Variants in AR observed in about 807,000 individuals in gnomAD.
AR encodes the protein dihydrotestosterone receptor.
In AR, 8 loss-of-function variants were observed where a neutral mutation model predicts 53.9. The observed-to-expected ratio is 0.15, with a 90% confidence interval of 0.09 to 0.27. The LOEUF (loss-of-function observed/expected upper bound fraction) is 0.27. AR is among the 10% of genes least tolerant of loss of function. The probability of loss-of-function intolerance (pLI) is 1.00; values close to 1 mark genes in which losing one functional copy is unlikely to be tolerated. For synonymous variants in AR, 359 were observed against 316.4 expected (o/e 1.13, Z -1.43); for missense variants, 639 against 742.5 (o/e 0.86, Z 1.62).
rs989025644 is a variant in AR, at chrX:67,723,916, C to A, written c.*75C>A. ...GTCTTCTGCCTGTTATAACTCTGCA[C>A]TACTCCTCTGCAGTGCCTTGGGGAA... On this transcript the variant is annotated 3_prime_UTR_variant, in exon 8 of 8. Transcript: ENST00000374690. The A allele has an allele frequency of 1.8e-6, 2 of 1,139,201 alleles. No individual in the cohort carries two copies. The highest frequency in any genetic ancestry group is 2.4e-6 in the Non-Finnish European group (2 of 839,419). 93.9% of individuals were successfully genotyped at this position (1,139,201 alleles called of 1,213,427 possible). A position where few individuals can be genotyped will look rare whatever the true frequency, so the allele number is the denominator to read the frequency against.
intron 1 of AR, among the ~76,000 whole-genome samples, chrX:67,566,312 A>G (rs1479709088): frequency 1.8e-5 from 2 of 111,915 alleles, no homozygotes; most frequent in East Asian, 5.6e-4. Flanking sequence ...CTAAAATCTC[A>G]CAGACTGGGG....
At chrX:67,666,710 C>G (rs771198152) in intron 2 of AR, among the ~76,000 whole-genome samples, 7 of 111,783 alleles carry the variant, frequency 6.3e-5, no homozygotes, top group Non-Finnish European at 1.3e-4. Flanking sequence ...TCCACATCCT[C>G]ACCAGCATTC....
chrX:67,623,941 G>A (rs758608555), intron 1 of AR, among the ~76,000 whole-genome samples: 62 of 111,113 alleles, frequency 5.6e-4, no homozygotes, highest in Non-Finnish European at 1.0e-3. Context: ...TTGACTCACA[G>A]TTCCACAGTC....
intron 2 of AR, among the ~76,000 whole-genome samples, chrX:67,662,573 C>T (rs1371868324): frequency 9.0e-6 from 1 of 111,462 alleles, no homozygotes; most frequent in African/African-American, 3.3e-5. Context: ...GTTATAATTT[C>T]TGTTCTTTTA....
chrX:67,646,372 G>C (rs1252075809), intron 2 of AR, among the ~76,000 whole-genome samples: 1 of 110,787 alleles, frequency 9.0e-6, no homozygotes, highest in Non-Finnish European at 1.9e-5. Context: ...ATAGAAAAAA[G>C]GGTGCGGTGA....
intron 3 of AR, chrX:67,694,828 C>T: frequency 9.0e-7 from 1 of 1,109,501 alleles, no homozygotes; most frequent in Non-Finnish European, 1.2e-6. Flanking sequence ...TTTTGCTCCT[C>T]AACACAGACT....
At position 67,723,724 on chromosome X, in the gene AR, A is replaced by G. The variant is rs779953308; in HGVS notation, c.2646A>G (p.Leu882=). 1 of 1,210,752 alleles carries G rather than the reference A, an allele frequency of 8.3e-7. No individual in the cohort carries two copies. The highest frequency in any genetic ancestry group is 1.8e-5 in the South Asian group (1 of 56,913). ...RELHQFTFDL[L]IKSHMVSVDF... Reference sequence around the variant, plus strand: ...TGCATCAGTTCACTTTTGACCTGCTAATCAAGTCACACATGGTGAGCGTGG... The same window carrying G: ...TGCATCAGTTCACTTTTGACCTGCTGATCAAGTCACACATGGTGAGCGTGG... Residue 882 remains leucine, a synonymous_variant, in exon 8 of 8, where the codon CTA becomes CTG. Transcript: ENST00000374690.
chrX:67,649,056 G>T (rs1452282377), intron 2 of AR, among the ~76,000 whole-genome samples: 2 of 111,258 alleles, frequency 1.8e-5, no homozygotes, highest in African/African-American at 6.5e-5. Flanking sequence ...CCCAGTGTGT[G>T]ATGTTCCCCT....
intron 1 of AR, among the ~76,000 whole-genome samples, chrX:67,583,384 A>G (rs190527492): frequency 1.8e-5 from 2 of 112,036 alleles, no homozygotes; most frequent in African/African-American, 3.2e-5. Flanking sequence ...TCTGTTGCAA[A>G]GGTCAGGAGT....
Position 67,544,310 on chromosome X carries a change from A to T in AR, c.-837A>T, listed in dbSNP as rs2147312721. On this transcript the variant is annotated 5_prime_UTR_variant, in exon 1 of 8. Coordinates refer to ENST00000374690, the MANE Select transcript of AR (RefSeq NM_000044.6). ...GGAGGAAGCAAGGAAAGTGCCTGGTAGGACTGACGGCTGCCTTTGTCCTCC... is the reference window on the plus strand; with the variant it reads ...GGAGGAAGCAAGGAAAGTGCCTGGTTGGACTGACGGCTGCCTTTGTCCTCC... 1 of 170,331 alleles carries T rather than the reference A, an allele frequency of 5.9e-6. No individual in the cohort carries two copies. Among genetic ancestry groups the T allele is most frequent in the South Asian group, 3.3e-4 (1 of 2,992 alleles). The allele number at this position is 170,331 out of a possible 1,213,427, so 14.0% of individuals were successfully genotyped here. A position where few individuals can be genotyped will look rare whatever the true frequency, so the allele number is the denominator to read the frequency against.
intron 4 of AR, among the ~76,000 whole-genome samples, chrX:67,712,509 C>T (rs190417540): frequency 8.9e-6 from 1 of 112,313 alleles, no homozygotes; most frequent in Non-Finnish European, 1.9e-5. Flanking sequence ...TCTTAGAGAT[C>T]CTCTATCCAA....
At chrX:67,570,452 A>G (rs1291411594) in intron 1 of AR, among the ~76,000 whole-genome samples, 1 of 112,185 alleles carries the variant, frequency 8.9e-6, no homozygotes, top group African/African-American at 3.2e-5. Context: ...ATGTCAAAAG[A>G]GTCAGTTAAA....
chrX:67,552,832 T>C (rs1209619864), intron 1 of AR, among the ~76,000 whole-genome samples: 5 of 112,270 alleles, frequency 4.5e-5, no homozygotes, highest in Admixed American at 2.8e-4. Flanking sequence ...CATTTGTATA[T>C]CTTCTTTTTT....
chrX:67,605,849 C>T (rs181695345), intron 1 of AR, among the ~76,000 whole-genome samples: 2 of 111,646 alleles, frequency 1.8e-5, no homozygotes, highest in African/African-American at 3.3e-5. Flanking sequence ...GTATTTGCCT[C>T]AAAATGGGCA....
At chrX:67,715,649 A>C (rs1569313999) in intron 4 of AR, among the ~76,000 whole-genome samples, 1 of 112,064 alleles carries the variant, frequency 8.9e-6, no homozygotes, top group Non-Finnish European at 1.9e-5. Flanking sequence ...CCTGGGTTCT[A>C]GTATTAGTTC....
chrX:67,602,887 T>C (rs749187938), intron 1 of AR, among the ~76,000 whole-genome samples: 1 of 112,209 alleles, frequency 8.9e-6, no homozygotes, highest in Non-Finnish European at 1.9e-5. Context: ...AAAAAACTAA[T>C]ATATTTACCA....
At chrX:67,570,469 G>T (rs2147346160) in intron 1 of AR, among the ~76,000 whole-genome samples, 1 of 112,123 alleles carries the variant, frequency 8.9e-6, no homozygotes, top group Non-Finnish European at 1.9e-5. Flanking sequence ...TAAAAATTAT[G>T]CACAGTGTGT....
intron 4 of AR, among the ~76,000 whole-genome samples, chrX:67,715,792 G>A (rs1466143575): frequency 8.9e-6 from 1 of 112,299 alleles, no homozygotes; most frequent in Non-Finnish European, 1.9e-5. Context: ...GTCATCAACA[G>A]GAAAGTGAGA....
In AR at chrX:67,708,412, C is replaced by A. The variant is rs184801929; in HGVS notation, c.1886-2990C>A. Among the ~76,000 whole-genome samples, 1,023 of 111,825 alleles carry A rather than the reference C, an allele frequency of 9.1e-3. 14 individuals are homozygous for A. Among genetic ancestry groups the A allele is most frequent in the African/African-American group, 0.032 (981 of 30,743 alleles). ...TTCATTTGATCTTCAATCACTGATA[C>A]CCTTTTTTCCAGTTGATCGAATCAG... On this transcript the variant is annotated intron_variant, in intron 3 of 7. Coordinates refer to ENST00000374690, the MANE Select transcript of AR (RefSeq NM_000044.6).
Sources: allele counts gnomAD v4.1 joint callset (sites outside exome capture counted in the v4.1 genomes callset), GRCh38; gene constraint gnomAD v4.1.1; transcripts MANE v1.5; gene names NCBI Gene and HGNC (gene_info 2026-07-23, HGNC 2026-07-21).